Variants in COBLL1 observed in about 807,000 individuals in gnomAD.
COBLL1 encodes cordon-bleu protein-like 1.
Under a neutral mutation model 94.8 loss-of-function variants are expected in COBLL1, and 50 were observed. The ratio of observed to expected loss-of-function variants is 0.53; its 90% CI spans 0.42 to 0.67. The LOEUF is 0.67. Among genes scored for constraint, COBLL1 ranks in the 30% least tolerant of loss-of-function variants. The pLI, the probability that COBLL1 is intolerant of heterozygous loss-of-function variation, is 0.00. For missense variants in COBLL1, 1,362 were observed against 1,348.7 expected (o/e 1.01, Z -0.15); for synonymous variants, 448 against 473.8 (o/e 0.95, Z 0.71).
chr2:164,841,879 ACCTC>A, upstream of COBLL1: 1 of 1,125,106 alleles, frequency 8.9e-7, no homozygotes, highest in Non-Finnish European at 1.3e-6. This position sits in a 1 kb window ranked among gnomAD's most constrained non-coding sequence, Gnocchi z 5.5. Context: ...CCGACTCAGC[ACCTC>A]CCCTGTCCCG....
chr2:164,806,780 G>A lies in COBLL1; in HGVS notation c.41+34376C>T, dbSNP rs976859867. Among the ~76,000 whole-genome samples the A allele has an allele frequency of 3.3e-5, 5 of 152,192 alleles. No homozygotes were observed. In the East Asian group the frequency reaches 9.7e-4, roughly 29 times the overall value. ...AGTGGCACAATCACAGCTAATTGTG[G>A]CCTCTACCTCTCGAGTTCAAGCCAT... is the stretch of plus-strand genomic sequence containing the variant. On this transcript the variant is annotated intron_variant, in intron 2 of 13. Transcript: ENST00000652658.
intron 3 of COBLL1, among the ~76,000 whole-genome samples, chr2:164,737,740 C>T (rs1360795187): frequency 6.6e-6 from 1 of 152,184 alleles, no homozygotes; most frequent in East Asian, 1.9e-4. Context: ...GCAAAAATCC[C>T]ACACCGATCC....
intron 10 of COBLL1, 53 bp from the exon 11 acceptor site, chr2:164,699,552 T>TAC (rs139984226): frequency 8.3e-5 from 80 of 965,888 alleles, no homozygotes; most frequent in African/African-American, 7.7e-4. Context: ...AACACACACA[T>TAC]ACACACACAC....
intron 2 of COBLL1, among the ~76,000 whole-genome samples, chr2:164,774,113 A>C (rs1234058986): frequency 6.6e-6 from 1 of 152,202 alleles, no homozygotes; most frequent in Non-Finnish European, 1.5e-5. Context: ...GCTAAGAAGC[A>C]CATCTGTATA....
chr2:164,764,721 G>A (rs139629631), intron 2 of COBLL1, among the ~76,000 whole-genome samples: 5 of 152,276 alleles, frequency 3.3e-5, no homozygotes, highest in Admixed American at 3.3e-4. Flanking sequence ...GCAACTGGAA[G>A]GGCCTCTTTC....
chr2:164,664,183 C>T (rs1296143332), intron 2 of COBLL1, among the ~76,000 whole-genome samples: 4 of 152,142 alleles, frequency 2.6e-5, no homozygotes, highest in Non-Finnish European at 4.4e-5. Context: ...TATGTATTTG[C>T]ACACTATTCT....
At chr2:164,792,003 A>G (rs1559020501) in intron 2 of COBLL1, among the ~76,000 whole-genome samples, 1 of 152,098 alleles carries the variant, frequency 6.6e-6, no homozygotes, top group Non-Finnish European at 1.5e-5. Flanking sequence ...AATTTTTTAA[A>G]TCCACAGCCT....
At chr2:164,840,931 G>A (rs1377779831) in intron 2 of COBLL1, 9 of 403,462 alleles carry the variant, frequency 2.2e-5, no homozygotes, top group Non-Finnish European at 3.8e-5. Context: ...TAGCAACCCA[G>A]GGCAGCCCCG....
chr2:164,742,960 C>A (rs56062139), intron 3 of COBLL1, among the ~76,000 whole-genome samples: 15,722 of 152,072 alleles, frequency 0.1, 1,133 homozygotes, highest in Non-Finnish European at 0.15. Context: ...AAGAACAAGA[C>A]CAAGTCTATA....
intron 3 of COBLL1, among the ~76,000 whole-genome samples, chr2:164,740,766 G>A (rs751051535): frequency 1.3e-5 from 2 of 152,108 alleles, no homozygotes; most frequent in African/African-American, 2.4e-5. Flanking sequence ...ATAAAGTGTC[G>A]GAAGATTTTG....
At chr2:164,709,711 C>A (rs943638088) in intron 7 of COBLL1, among the ~76,000 whole-genome samples, 5 of 151,780 alleles carry the variant, frequency 3.3e-5, no homozygotes, top group African/African-American at 1.2e-4. Context: ...GAGTGAAACT[C>A]CATCTCAAAA....
intron 3 of COBLL1, among the ~76,000 whole-genome samples, chr2:164,733,941 G>C (rs1370776865): frequency 6.6e-6 from 1 of 152,152 alleles, no homozygotes; most frequent in Non-Finnish European, 1.5e-5. Flanking sequence ...ATACTGGATA[G>C]AGTAATTCTA....
At chr2:164,815,302 G>T (rs1030703500) in intron 2 of COBLL1, among the ~76,000 whole-genome samples, 1 of 151,656 alleles carries the variant, frequency 6.6e-6, no homozygotes, top group African/African-American at 2.4e-5. Flanking sequence ...GGGTGGCTAA[G>T]GCATGAGAAT....
Position 164,841,048 on chromosome 2 carries a change from G to A in COBLL1, c.41+108C>T. ...GCGTGGAGGACAGTCAGTGAGTCAG[G>A]CCGCCGGCAGGGCAGCGAGTTGCCA... On this transcript the variant is annotated intron_variant, in intron 2 of 13. Coordinates refer to ENST00000652658, the MANE Select transcript of COBLL1 (RefSeq NM_001365672.2). This position sits in a 1 kb window ranked among gnomAD's most constrained non-coding sequence, Gnocchi z 5.5. 1 of 1,158,096 alleles carries A rather than the reference G, an allele frequency of 8.6e-7. No individual in the cohort carries two copies. The highest frequency in any genetic ancestry group is 1.1e-6 in the Non-Finnish European group (1 of 922,492). 71.7% of individuals were successfully genotyped at this position (1,158,096 alleles called of 1,614,324 possible).
At chr2:164,772,080 T>G (rs1688232859) in intron 2 of COBLL1, 1 of 151,996 alleles carries the variant, frequency 6.6e-6, no homozygotes, top group East Asian at 1.9e-4. Context: ...TTATTTATAG[T>G]CTCGATCATC....
Position 164,730,127 on chromosome 2 carries a change from G to T in COBLL1, c.231-12C>A, listed in dbSNP as rs201229538. On this transcript the variant is annotated splice_polypyrimidine_tract_variant and intron_variant, in intron 3 of 13. Coordinates refer to ENST00000652658, the MANE Select transcript of COBLL1 (RefSeq NM_001365672.2). ...CCATCATAGGTTTACTGTAAAACAA[G>T]AGTATTTCATTACCCGTTATTGTTT... 1.9e-6 allele frequency: 3 copies of T among 1,600,594 alleles called. No individual in the cohort carries two copies. Among genetic ancestry groups the T allele is most frequent in the Non-Finnish European group, 2.6e-6 (3 of 1,168,056 alleles).
At chr2:164,738,177 C>T (rs1013963647) in intron 3 of COBLL1, 3 of 152,152 alleles carry the variant, frequency 2.0e-5, no homozygotes, top group African/African-American at 7.2e-5. Context: ...CTTCCTCCCT[C>T]TTGTAGGAAA....
chr2:164,730,200 A>G (rs558853326), intron 3 of COBLL1, 85 bp from the exon 4 acceptor site: 14 of 1,202,480 alleles, frequency 1.2e-5, no homozygotes, highest in South Asian at 5.4e-5. Flanking sequence ...ACAAGTCTAC[A>G]AGATAGTTTT....
In COBLL1 at chr2:164,695,163, T is replaced by G; in HGVS notation, c.2229A>C (p.Glu743Asp). Residue 743 changes from glutamate to aspartate, a missense_variant, in exon 12 of 14, where the codon GAA (glutamate) becomes GAC (aspartate). Physicochemically the swap from Glu to Asp is conservative, Grantham distance 45. Coordinates refer to ENST00000652658, the MANE Select transcript of COBLL1 (RefSeq NM_001365672.2). ...TTTCTGATTGCCAGTCTTTCGATAT[T>G]TCCAAGGATTTGGGAGGCACTATTT... Reference protein sequence around the residue: ...TYKIVPPKSLEISKDWQSETI... With the variant: ...TYKIVPPKSLDISKDWQSETI... The G allele has an allele frequency of 6.2e-7, 1 of 1,614,008 alleles. No homozygotes were observed. Among genetic ancestry groups the G allele is most frequent in the Non-Finnish European group, 8.5e-7 (1 of 1,179,958 alleles).
Sources: allele counts gnomAD v4.1 joint callset (sites outside exome capture counted in the v4.1 genomes callset), GRCh38; gene constraint gnomAD v4.1.1; non-coding constraint Gnocchi (gnomAD v3.1); transcripts MANE v1.5; gene names NCBI Gene and HGNC (gene_info 2026-07-23, HGNC 2026-07-21).